Variants in PTPRN2 observed in about 807,000 individuals in gnomAD.
PTPRN2 encodes protein tyrosine phosphatase receptor type N2.
In PTPRN2, 74 loss-of-function variants were observed where a neutral mutation model predicts 118.8. The ratio of observed to expected loss-of-function variants is 0.62; its 90% CI spans 0.52 to 0.76. The LOEUF (loss-of-function observed/expected upper bound fraction) is 0.76. Ranked by LOEUF, PTPRN2 falls within the 30% of genes least tolerant of loss-of-function variation. The pLI is 0.00. For synonymous variants in PTPRN2, 641 were observed against 608.0 expected (o/e 1.05, Z -0.80); for missense variants, 1,481 against 1,394.4 (o/e 1.06, Z -0.99).
chr7:158,008,250 G>T (rs965823468), intron 11 of PTPRN2, among the ~76,000 whole-genome samples: 7 of 152,148 alleles, frequency 4.6e-5, no homozygotes, highest in African/African-American at 1.7e-4. Context: ...ACGGATCCAT[G>T]AATCAATGAT....
At chr7:158,175,943 C>T (rs1040671468) in intron 5 of PTPRN2, among the ~76,000 whole-genome samples, 11 of 152,022 alleles carry the variant, frequency 7.2e-5, no homozygotes, top group South Asian at 6.3e-4. Flanking sequence ...CTCGCGACAC[C>T]GTGAGGCCAG....
At chr7:158,194,663 G>A (rs1157454378) in intron 4 of PTPRN2, among the ~76,000 whole-genome samples, 4 of 152,332 alleles carry the variant, frequency 2.6e-5, no homozygotes, top group East Asian at 3.9e-4. Context: ...GGCTAGGTCC[G>A]AGGTGGAGGC....
intron 17 of PTPRN2, among the ~76,000 whole-genome samples, chr7:157,584,931 T>G (rs902556636): frequency 2.6e-5 from 4 of 151,886 alleles, no homozygotes; most frequent in Admixed American, 6.6e-5. Context: ...TCCGAGAGAG[T>G]CACAGGCTCC....
intron 3 of PTPRN2, among the ~76,000 whole-genome samples, chr7:158,214,669 G>A (rs540785366): frequency 1.3e-5 from 2 of 152,198 alleles, no homozygotes; most frequent in East Asian, 3.9e-4. Context: ...TAGGGATCCA[G>A]AACTTTCATC....
In PTPRN2 at chr7:157,548,953, T is replaced by C. The variant is rs1585015189; in HGVS notation, c.2969A>G (p.Gln990Arg). Reference sequence around the variant, plus strand: ...AGGAGAGACTGACAGTACCTTCGTCTGGACCATGCCGGGTCTCTGGTCCCT... The same window carrying C: ...AGGAGAGACTGACAGTACCTTCGTCCGGACCATGCCGGGTCTCTGGTCCCT... ...HLRDQRPGMV[Q>R]TKEQFEFALT... Residue 990 changes from glutamine to arginine, a missense_variant, in exon 22 of 23, where the codon CAG becomes CGG. Coordinates refer to ENST00000389418, the MANE Select transcript of PTPRN2 (RefSeq NM_002847.5). 1 of 1,614,100 alleles carries C rather than the reference T, an allele frequency of 6.2e-7. No homozygotes were observed. Among genetic ancestry groups the C allele is most frequent in the East Asian group, 2.2e-5 (1 of 44,886 alleles).
At chr7:157,984,374 A>C (rs1159509123) in intron 11 of PTPRN2, among the ~76,000 whole-genome samples, 1 of 12,458 alleles carries the variant, frequency 8.0e-5, no homozygotes, top group Non-Finnish European at 1.3e-4. Flanking sequence ...GCCAGGCTCC[A>C]CCCCCCACGC....
chr7:158,334,649 C>T (rs1805230593), intron 2 of PTPRN2, among the ~76,000 whole-genome samples: 1 of 93,434 alleles, frequency 1.1e-5, no homozygotes, highest in Admixed American at 1.1e-4. Flanking sequence ...ACACTCTCAC[C>T]ATAATTGGTG....
At chr7:158,581,720 G>A (rs1828635810) in intron 1 of PTPRN2, among the ~76,000 whole-genome samples, 1 of 152,166 alleles carries the variant, frequency 6.6e-6, no homozygotes, top group Admixed American at 6.5e-5. Flanking sequence ...CAAAAACAAA[G>A]GAAGTGAAAT....
intron 2 of PTPRN2, among the ~76,000 whole-genome samples, chr7:158,330,201 T>A (rs1586291376): frequency 7.1e-6 from 1 of 140,546 alleles, no homozygotes; most frequent in African/African-American, 2.7e-5. Flanking sequence ...ACACCCACAC[T>A]CTCACCATAA....
At chr7:158,552,844 G>C (rs1826750520) in intron 1 of PTPRN2, among the ~76,000 whole-genome samples, 1 of 152,204 alleles carries the variant, frequency 6.6e-6, no homozygotes, top group African/African-American at 2.4e-5. Flanking sequence ...AAGGGCTCCT[G>C]ACACCCCAGA....
At chr7:157,925,890 C>T (rs1476684367) in intron 11 of PTPRN2, among the ~76,000 whole-genome samples, 2 of 152,104 alleles carry the variant, frequency 1.3e-5, no homozygotes, top group Admixed American at 6.5e-5. Flanking sequence ...AAAACACTTC[C>T]ACAGACACCT....
rs764143176 is a variant in PTPRN2 at position 158,262,560 on chromosome 7, TAC to T, written c.277+54257_277+54258del. 6.7e-4 allele frequency among the ~76,000 whole-genome samples: 71 copies of T among 105,840 alleles called. 1 individual carries two copies. The highest frequency in any genetic ancestry group is 5.0e-3 in the East Asian group (16 of 3,176). The allele number at this position is 105,840 out of a possible 152,430, so 69.4% of individuals were successfully genotyped here. ...ACACACATTCACACACTGCACACAC[TAC>T]ACACACATTCACACACAGCACACAC... On this transcript the variant is annotated intron_variant, in intron 3 of 22. Transcript: ENST00000389418.
chr7:158,450,238 A>G (rs763107334), intron 2 of PTPRN2, among the ~76,000 whole-genome samples: 3 of 152,140 alleles, frequency 2.0e-5, no homozygotes, highest in Non-Finnish European at 4.4e-5. Flanking sequence ...TAACTCAATC[A>G]CGGCCCAAAG....
At chr7:158,333,852 ACCCGCAGACGTCACTCACACCCACAC>A (rs1805015007) in intron 2 of PTPRN2, among the ~76,000 whole-genome samples, 1 of 121,484 alleles carries the variant, frequency 8.2e-6, no homozygotes, top group African/African-American at 3.1e-5. Flanking sequence ...TAGAGCTGAC[ACCCGCAGACGTCACTCACACCCACAC>A]TCTCACCATA....
At chr7:157,786,877 A>C (rs997469990) in intron 12 of PTPRN2, among the ~76,000 whole-genome samples, 19 of 152,206 alleles carry the variant, frequency 1.2e-4, no homozygotes, top group African/African-American at 3.9e-4. Context: ...CTCAGTGCCC[A>C]CTGTGGGAAG....
chr7:158,393,150 C>T (rs916954151), intron 2 of PTPRN2, among the ~76,000 whole-genome samples: 6 of 152,122 alleles, frequency 3.9e-5, no homozygotes, highest in African/African-American at 1.2e-4. Context: ...AGGAAGAAAA[C>T]GGGAGCTGGA....
chr7:158,446,153 C>T (rs951914914), intron 2 of PTPRN2, among the ~76,000 whole-genome samples: 2 of 152,150 alleles, frequency 1.3e-5, no homozygotes, highest in Non-Finnish European at 2.9e-5. Context: ...ATTCCCAGCT[C>T]GCCCCAGGTC....
At chr7:157,544,824 C>A (rs112460153) in intron 22 of PTPRN2, among the ~76,000 whole-genome samples, 2 of 152,144 alleles carry the variant, frequency 1.3e-5, no homozygotes, top group Admixed American at 1.3e-4. Context: ...TGTGTGCACA[C>A]GGGAATGTGT....
In PTPRN2 at chr7:157,569,098, G is replaced by C. The variant is rs1220396652; in HGVS notation, c.2838-132C>G. On this transcript the variant is annotated intron_variant, in intron 20 of 22. Transcript: ENST00000389418. ...GAGGAAAGGATGGCGGATGTGAGAG[G>C]GGGAGGAAGGACGCGGGCTGGGAGA... 3.4e-6 allele frequency: 3 copies of C among 879,628 alleles called. No homozygotes were observed. The Admixed American group carries it at 5.9e-5, about 17-fold the overall frequency. The allele number at this position is 879,628 out of a possible 1,614,324, so 54.5% of individuals were successfully genotyped here. A position where few individuals can be genotyped will look rare whatever the true frequency, so the allele number is the denominator to read the frequency against.
Sources: allele counts gnomAD v4.1 joint callset (sites outside exome capture counted in the v4.1 genomes callset), GRCh38; gene constraint gnomAD v4.1.1; transcripts MANE v1.5; gene names NCBI Gene and HGNC (gene_info 2026-07-23, HGNC 2026-07-21).